ZC3H3: variants seen among roughly 807,000 people sequenced by gnomAD.
ZC3H3 encodes zinc finger CCCH domain-containing protein 3.
ZC3H3 carries 36 observed loss-of-function variants against 77.3 expected under a neutral mutation model. That is an observed-to-expected ratio of 0.47 (90% confidence interval 0.36 to 0.61). The LOEUF is 0.61. Ranked by LOEUF, ZC3H3 falls within the 20% of genes least tolerant of loss-of-function variation. The probability of loss-of-function intolerance (pLI) is 0.00; values close to 1 mark genes in which losing one functional copy is unlikely to be tolerated. For synonymous variants in ZC3H3, 626 were observed against 555.2 expected, an observed-to-expected ratio of 1.13 and a Z score of -1.79; for missense variants, 1,331 against 1,312.2, an observed-to-expected ratio of 1.01 and a Z score of -0.22.
intron 9 of ZC3H3, among the ~76,000 whole-genome samples, chr8:143,451,176 C>A (rs966482395): frequency 2.6e-5 from 4 of 151,982 alleles, no homozygotes; most frequent in Admixed American, 1.3e-4. Flanking sequence ...ACAGGTGCTC[C>A]CAGAGCAGAA....
Position 143,536,602 on chromosome 8 carries a change from G to A in ZC3H3, c.1365-149C>T, listed in dbSNP as rs1021759765. ...TCCTTTCTGGACCCTGCCTCCCTCAGCCCATGGCGGCCCTGCCCACCCTCC... is the reference window on the plus strand; with the variant it reads ...TCCTTTCTGGACCCTGCCTCCCTCAACCCATGGCGGCCCTGCCCACCCTCC... On this transcript the variant is annotated intron_variant, in intron 2 of 11. Coordinates refer to ENST00000262577, the MANE Select transcript of ZC3H3 (RefSeq NM_015117.3). 7.7e-6 allele frequency: 6 copies of A among 782,316 alleles called. No individual in the cohort carries two copies. In the African/African-American group the frequency reaches 1.1e-4, roughly 14 times the overall value. 48.5% of individuals were successfully genotyped at this position (782,316 alleles called of 1,614,324 possible).
intron 3 of ZC3H3, among the ~76,000 whole-genome samples, chr8:143,515,869 T>C (rs560998831): frequency 5.3e-5 from 8 of 152,204 alleles, no homozygotes; most frequent in East Asian, 1.9e-4. Context: ...CGGACCACCA[T>C]CTATGTGGGC....
chr8:143,469,431 G>A (rs1820503241), intron 5 of ZC3H3, among the ~76,000 whole-genome samples: 1 of 152,238 alleles, frequency 6.6e-6, no homozygotes, highest in Non-Finnish European at 1.5e-5. Context: ...GAGGTCTGGG[G>A]GAAGGGCACC....
chr8:143,466,609 T>C (rs1220424033), intron 8 of ZC3H3, among the ~76,000 whole-genome samples: 2 of 152,006 alleles, frequency 1.3e-5, no homozygotes, highest in Admixed American at 1.3e-4. Context: ...TCTCTTGCCA[T>C]CTCCAGGAGA....
At chr8:143,440,855 C>A in intron 10 of ZC3H3, 81 bp downstream of exon 10, 1 of 1,309,346 alleles carries the variant, frequency 7.6e-7, no homozygotes, top group South Asian at 2.3e-5. Context: ...GGCGGGAGCT[C>A]AACCAGAGGG....
chr8:143,530,601 G>C lies in ZC3H3; in HGVS notation c.1561+5656C>G, dbSNP rs73715665. Among the ~76,000 whole-genome samples, 1 of 152,024 alleles carries C rather than the reference G, an allele frequency of 6.6e-6. No homozygotes were observed. Among genetic ancestry groups the C allele is most frequent in the South Asian group, 2.1e-4 (1 of 4,818 alleles). ...TGGACAGCATCCCTCTGCACAGGCC[G>C]GCCAGGCTTAGGGAGTCATGCCTGT... On this transcript the variant is annotated intron_variant, in intron 3 of 11. Coordinates refer to ENST00000262577, the MANE Select transcript of ZC3H3 (RefSeq NM_015117.3). This position sits in a 1 kb window ranked among gnomAD's most constrained non-coding sequence, Gnocchi z 4.3.
At chr8:143,520,940 C>T (rs942069598) in intron 3 of ZC3H3, among the ~76,000 whole-genome samples, 2 of 152,222 alleles carry the variant, frequency 1.3e-5, no homozygotes, top group East Asian at 1.9e-4. Context: ...GTTTCTGGCC[C>T]GTATACCCAG....
intron 3 of ZC3H3, among the ~76,000 whole-genome samples, chr8:143,524,160 T>C (rs73715658): frequency 0.019 from 2,965 of 152,344 alleles, 88 homozygotes; most frequent in African/African-American, 0.067. Context: ...CACAGCCTGT[T>C]TCAGGATGGG....
chr8:143,514,913 G>A (rs938884957), intron 3 of ZC3H3, among the ~76,000 whole-genome samples: 1 of 152,220 alleles, frequency 6.6e-6, no homozygotes. Context: ...AGGCCCATGT[G>A]CGGCTAGGCC....
intron 9 of ZC3H3, among the ~76,000 whole-genome samples, chr8:143,457,724 A>G (rs1037281132): frequency 1.3e-5 from 2 of 152,112 alleles, no homozygotes; most frequent in Non-Finnish European, 2.9e-5. Flanking sequence ...AAAATTAATC[A>G]GGTATGGTGA....
In ZC3H3 at chr8:143,462,197, C is replaced by T. The variant is rs984677954; in HGVS notation, c.2307+3520G>A. On this transcript the variant is annotated intron_variant, in intron 9 of 11. Coordinates refer to ENST00000262577, the MANE Select transcript of ZC3H3 (RefSeq NM_015117.3). The surrounding 1 kb of genome is among the most constrained non-coding windows in gnomAD (Gnocchi z 4.7). ...GGCCCCCTGAAGAGTCGCCACGACCCTCTGAGATAGGCAGTGCCGTTATCC... is the reference window on the plus strand; with the variant it reads ...GGCCCCCTGAAGAGTCGCCACGACCTTCTGAGATAGGCAGTGCCGTTATCC... 2.6e-5 allele frequency among the ~76,000 whole-genome samples: 4 copies of T among 152,144 alleles called. No individual in the cohort carries two copies. The highest frequency in any genetic ancestry group is 5.9e-5 in the Non-Finnish European group (4 of 68,016).
intron 3 of ZC3H3, among the ~76,000 whole-genome samples, chr8:143,516,576 C>A (rs1822057947): frequency 2.7e-5 from 4 of 149,190 alleles, no homozygotes; most frequent in Non-Finnish European, 5.9e-5. Flanking sequence ...CATACACACA[C>A]ACACTCACTC....
chr8:143,463,864 C>A (rs753233170), intron 9 of ZC3H3, among the ~76,000 whole-genome samples: 82 of 152,274 alleles, frequency 5.4e-4, no homozygotes, highest in Admixed American at 1.2e-3. Context: ...ACCCCTGAGC[C>A]ACAGCCGTGG....
intron 10 of ZC3H3, 41 bp from the exon 11 acceptor site, chr8:143,440,404 G>A (rs555676352): frequency 1.9e-5 from 29 of 1,494,528 alleles, no homozygotes; most frequent in East Asian, 4.6e-5. Context: ...GTGGGGTGAC[G>A]GGTGGGGATC....
chr8:143,508,859 C>T (rs573867466), intron 3 of ZC3H3, among the ~76,000 whole-genome samples: 1 of 152,176 alleles, frequency 6.6e-6, no homozygotes, highest in African/African-American at 2.4e-5. Flanking sequence ...ACCCTCTTGG[C>T]CCCCACAGCC....
At chr8:143,469,858 A>G (rs191132484) in intron 5 of ZC3H3, among the ~76,000 whole-genome samples, 1 of 152,314 alleles carries the variant, frequency 6.6e-6, no homozygotes, top group East Asian at 1.9e-4. Flanking sequence ...ACCAGATCCA[A>G]TTTCCTACAG....
chr8:143,486,381 T>C (rs968047490), intron 4 of ZC3H3, among the ~76,000 whole-genome samples: 1 of 152,226 alleles, frequency 6.6e-6, no homozygotes, highest in Non-Finnish European at 1.5e-5. Flanking sequence ...TGGTTTCTGG[T>C]GAGGTCTCCC....
At chr8:143,455,063 C>T (rs960323708) in intron 9 of ZC3H3, among the ~76,000 whole-genome samples, 4 of 151,966 alleles carry the variant, frequency 2.6e-5, no homozygotes, top group African/African-American at 9.7e-5. Context: ...CACCTATAAT[C>T]CCTGCACTTT....
intron 4 of ZC3H3, among the ~76,000 whole-genome samples, chr8:143,492,312 T>C (rs1351322707): frequency 6.6e-6 from 1 of 151,716 alleles, no homozygotes. Flanking sequence ...ACTGGCCCAG[T>C]GGGGGGGATC....
Sources: allele counts gnomAD v4.1 joint callset (sites outside exome capture counted in the v4.1 genomes callset), GRCh38; gene constraint gnomAD v4.1.1; non-coding constraint Gnocchi (gnomAD v3.1); transcripts MANE v1.5; gene names NCBI Gene and HGNC (gene_info 2026-07-23, HGNC 2026-07-21).